The following ZMAT4 variants were observed in gnomAD, a reference collection of about 807,000 sequenced individuals.
ZMAT4 encodes zinc finger matrin-type protein 4.
Under a neutral mutation model 28.7 loss-of-function variants are expected in ZMAT4, and 17 were observed. The ratio of observed to expected loss-of-function variants is 0.59; its 90% CI spans 0.41 to 0.89. The LOEUF (loss-of-function observed/expected upper bound fraction) is 0.89. Among genes scored for constraint, ZMAT4 ranks in the 40% least tolerant of loss-of-function variants. The pLI is 0.00. For synonymous variants in ZMAT4, 117 were observed against 109.2 expected (o/e 1.07, Z -0.44); for missense variants, 240 against 283.8 (o/e 0.85, Z 1.11).
At chr8:40,563,391 G>A (rs1201833317) in intron 6 of ZMAT4, among the ~76,000 whole-genome samples, 1 of 152,170 alleles carries the variant, frequency 6.6e-6, no homozygotes, top group Non-Finnish European at 1.5e-5. Flanking sequence ...GAACCACACT[G>A]TTTGCTGGTG....
intron 3 of ZMAT4, among the ~76,000 whole-genome samples, chr8:40,745,438 C>A (rs1812177902): frequency 6.6e-6 from 1 of 152,178 alleles, no homozygotes; most frequent in Non-Finnish European, 1.5e-5. Flanking sequence ...CAGAAAACTG[C>A]ATTTTCCAGA....
intron 1 of ZMAT4, among the ~76,000 whole-genome samples, chr8:40,850,854 G>A (rs974272093): frequency 2.0e-5 from 3 of 152,034 alleles, no homozygotes; most frequent in Non-Finnish European, 2.9e-5. Flanking sequence ...TTCTCAGAAC[G>A]CTTTTATGCA....
At position 40,692,109 on chromosome 8, in the gene ZMAT4, C is replaced by T. The variant is rs564709187; in HGVS notation, c.349+5136G>A. Among the ~76,000 whole-genome samples, 5 of 152,256 alleles carry T rather than the reference C, an allele frequency of 3.3e-5. No individual in the cohort carries two copies. The East Asian group carries it at 5.8e-4, about 18-fold the overall frequency. On this transcript the variant is annotated intron_variant, in intron 4 of 6. Coordinates refer to ENST00000297737, the MANE Select transcript of ZMAT4 (RefSeq NM_024645.3). ...ATGTATGCTTCCAATTTTTACACAT[C>T]GAACAAGTATTAATTAAATACCTAC...
chr8:40,875,195 G>A (rs1817996974), intron 1 of ZMAT4, among the ~76,000 whole-genome samples: 1 of 152,090 alleles, frequency 6.6e-6, no homozygotes, highest in South Asian at 2.1e-4. Flanking sequence ...TTCCTCCTGG[G>A]CAAACATAAT....
intron 2 of ZMAT4, among the ~76,000 whole-genome samples, chr8:40,823,700 C>T (rs1337246398): frequency 1.3e-5 from 2 of 151,696 alleles, no homozygotes; most frequent in Admixed American, 6.6e-5. Context: ...TATACACACA[C>T]ACACACGTGT....
chr8:40,653,564 G>C (rs1346757673), intron 5 of ZMAT4, among the ~76,000 whole-genome samples: 3 of 152,054 alleles, frequency 2.0e-5, no homozygotes, highest in Non-Finnish European at 4.4e-5. Context: ...AAAAATGAAA[G>C]AGAGGACATC....
intron 4 of ZMAT4, among the ~76,000 whole-genome samples, chr8:40,679,583 C>T (rs1403806346): frequency 6.6e-6 from 1 of 152,164 alleles, no homozygotes; most frequent in Non-Finnish European, 1.5e-5. Flanking sequence ...TGTGAGAACT[C>T]ACTCACTATC....
chr8:40,665,286 C>G (rs538994557), intron 5 of ZMAT4, among the ~76,000 whole-genome samples: 14 of 152,188 alleles, frequency 9.2e-5, no homozygotes, highest in Non-Finnish European at 1.6e-4. Context: ...TTCTGCTTAT[C>G]TTGTGGCAAA....
intron 4 of ZMAT4, among the ~76,000 whole-genome samples, chr8:40,676,602 T>G (rs574055744): frequency 3.3e-5 from 5 of 152,150 alleles, no homozygotes; most frequent in African/African-American, 7.2e-5. Context: ...ATTAAATAAC[T>G]TATATAGAAA....
rs529547825 is a variant in ZMAT4, at chr8:40,817,691, T to C, written c.102+7884A>G. Among the ~76,000 whole-genome samples, 138 of 152,294 alleles carry C rather than the reference T, an allele frequency of 9.1e-4. 1 individual carries two copies. Among genetic ancestry groups the C allele is most frequent in the African/African-American group, 3.2e-3 (134 of 41,568 alleles). On this transcript the variant is annotated intron_variant, in intron 2 of 6. Coordinates refer to ENST00000297737, the MANE Select transcript of ZMAT4 (RefSeq NM_024645.3). ...GGTCACTGGACCAAGGGGAGCCACA[T>C]TCCCACTCAACAGGGAGGCCCACTC...
intron 5 of ZMAT4, among the ~76,000 whole-genome samples, chr8:40,649,884 A>G (rs1262124005): frequency 4.6e-5 from 7 of 152,026 alleles, no homozygotes; most frequent in African/African-American, 1.4e-4. Flanking sequence ...CAACGAGAAC[A>G]AAGACACAAC....
At chr8:40,707,719 TA>T (rs1370836285) in intron 3 of ZMAT4, among the ~76,000 whole-genome samples, 1 of 152,218 alleles carries the variant, frequency 6.6e-6, no homozygotes, top group Non-Finnish European at 1.5e-5. Flanking sequence ...AGATACATAT[TA>T]TCTCATTTCA....
chr8:40,772,272 G>C (rs1353490754), intron 2 of ZMAT4, among the ~76,000 whole-genome samples: 1 of 152,156 alleles, frequency 6.6e-6, no homozygotes, highest in Non-Finnish European at 1.5e-5. Context: ...CCTATCTGAA[G>C]ATTAGTTTCT....
intron 5 of ZMAT4, among the ~76,000 whole-genome samples, chr8:40,588,758 G>A (rs1490921929): frequency 1.3e-5 from 2 of 152,058 alleles, no homozygotes; most frequent in Non-Finnish European, 2.9e-5. Flanking sequence ...GACAAGAAAT[G>A]TCTAGCAGTA....
chr8:40,640,653 C>A (rs1452060427), intron 5 of ZMAT4, among the ~76,000 whole-genome samples: 1 of 151,804 alleles, frequency 6.6e-6, no homozygotes, highest in Non-Finnish European at 1.5e-5. Context: ...CAACTTAGCT[C>A]CCTTTACTTA....
intron 5 of ZMAT4, among the ~76,000 whole-genome samples, chr8:40,628,143 C>T (rs1030804219): frequency 2.0e-5 from 3 of 152,148 alleles, no homozygotes; most frequent in Non-Finnish European, 2.9e-5. Context: ...CATAGCATGC[C>T]TCACAGTTAA....
intron 6 of ZMAT4, among the ~76,000 whole-genome samples, chr8:40,539,939 G>T (rs940125369): frequency 3.3e-5 from 5 of 152,202 alleles, no homozygotes; most frequent in Non-Finnish European, 7.3e-5. Flanking sequence ...GATAAACTGT[G>T]TGATCAGAGG....
chr8:40,830,308 G>T (rs937027745), intron 1 of ZMAT4, among the ~76,000 whole-genome samples: 3 of 152,002 alleles, frequency 2.0e-5, no homozygotes, highest in African/African-American at 4.8e-5. Context: ...ACTAGGTAAT[G>T]GTATAACCCT....
intron 3 of ZMAT4, among the ~76,000 whole-genome samples, chr8:40,745,370 A>G (rs1812174851): frequency 6.6e-6 from 1 of 152,202 alleles, no homozygotes; most frequent in Non-Finnish European, 1.5e-5. Context: ...ATTTAAAAGC[A>G]AACTACAAGC....
Sources: gnomAD v4.1 joint callset for allele counts (sites outside exome capture counted in the v4.1 genomes callset) on GRCh38, gnomAD v4.1.1 for gene constraint, MANE v1.5 for transcripts, NCBI Gene and HGNC (gene_info 2026-07-23, HGNC 2026-07-21) for gene names.